PLPPR4: variants seen among roughly 807,000 people sequenced by gnomAD.
PLPPR4 encodes the protein phospholipid phosphatase related 4.
In PLPPR4, 24 loss-of-function variants were observed where a neutral mutation model predicts 56.6. The observed-to-expected ratio is 0.42, with a 90% CI of 0.31 to 0.60. The LOEUF is 0.60. PLPPR4 is among the 20% of genes least tolerant of loss of function. PLPPR4 has a pLI of 0.13. For missense variants in PLPPR4, 654 were observed against 885.8 expected, an observed-to-expected ratio of 0.74 and a Z score of 3.32; for synonymous variants, 326 against 328.1, an observed-to-expected ratio of 0.99 and a Z score of 0.07.
rs539603329 is a variant in PLPPR4, at chr1:99,273,157, T to G, written c.78+8486T>G. Among the ~76,000 whole-genome samples, 4 of 152,206 alleles carry G rather than the reference T, an allele frequency of 2.6e-5. No homozygotes were observed. The East Asian group carries it at 7.7e-4, about 29-fold the overall frequency. On this transcript the variant is annotated intron_variant, in intron 1 of 6. Coordinates refer to ENST00000370185, the MANE Select transcript of PLPPR4 (RefSeq NM_014839.5). ...TTTGGCAGAACTAACATTGAGGTGT[T>G]TTTCTTACCAATAATTAGACTGAAC... is the stretch of plus-strand genomic sequence containing the variant.
intron 1 of PLPPR4, among the ~76,000 whole-genome samples, chr1:99,278,916 G>T (rs546950389): frequency 1.3e-5 from 2 of 152,216 alleles, no homozygotes; most frequent in African/African-American, 4.8e-5. Flanking sequence ...TGCTATGGAG[G>T]ATCCAATTTA....
intron 2 of PLPPR4, among the ~76,000 whole-genome samples, chr1:99,291,733 T>C (rs937714432): frequency 3.3e-5 from 5 of 152,018 alleles, no homozygotes; most frequent in African/African-American, 9.7e-5. Flanking sequence ...TGAGACCACA[T>C]AGGCACATAG....
At chr1:99,277,835 CATAAT>C (rs1288026394) in intron 1 of PLPPR4, among the ~76,000 whole-genome samples, 2 of 151,892 alleles carry the variant, frequency 1.3e-5, no homozygotes, top group Non-Finnish European at 2.9e-5. Context: ...ACAGTTTTTT[CATAAT>C]ATACATGTTC....
At chr1:99,282,089 T>C (rs1380695765) in intron 1 of PLPPR4, among the ~76,000 whole-genome samples, 1 of 152,196 alleles carries the variant, frequency 6.6e-6, no homozygotes, top group Non-Finnish European at 1.5e-5. Context: ...TAGCTCCAAA[T>C]TGACCTCTTA....
At chr1:99,280,237 A>G (rs773518510) in intron 1 of PLPPR4, among the ~76,000 whole-genome samples, 6 of 152,124 alleles carry the variant, frequency 3.9e-5, no homozygotes, top group African/African-American at 1.2e-4. Context: ...GGTGTTCCCA[A>G]TTTGGGGGCT....
chr1:99,306,123 C>T lies in PLPPR4; in HGVS notation c.1261C>T (p.Pro421Ser). 6.2e-7 allele frequency: 1 copy of T among 1,614,046 alleles called. No individual in the cohort carries two copies. ...KLSLQVIEPE[P>S]GQSPPRSIEM... ...GTCCTTGCAAGTTATAGAGCCTGAG[C>T]CTGGGCAGTCACCACCCAGATCCAT... The change falls in exon 7 of 7, where the codon CCT (proline) becomes TCT (serine). Residue 421 changes from proline to serine, a missense_variant. Physicochemically the swap from Pro to Ser is moderately conservative, Grantham distance 74 (BLOSUM62 -1). This residue lies in a region of PLPPR4 where 468 missense variants were observed against 554.3 expected (regional missense o/e 0.84). Coordinates refer to ENST00000370185, the MANE Select transcript of PLPPR4 (RefSeq NM_014839.5). The surrounding 1 kb of genome is among the most constrained non-coding windows in gnomAD (Gnocchi z 4.0).
At chr1:99,295,379 A>C in intron 2 of PLPPR4, among the ~76,000 whole-genome samples, 1 of 152,320 alleles carries the variant, frequency 6.6e-6, no homozygotes, top group African/African-American at 2.4e-5. Flanking sequence ...TTTAAAAAAA[A>C]CTATAATTTT....
chr1:99,292,504 C>G (rs1455789302), intron 2 of PLPPR4, among the ~76,000 whole-genome samples: 1 of 152,192 alleles, frequency 6.6e-6, no homozygotes, highest in African/African-American at 2.4e-5. Flanking sequence ...AGGTGCCACT[C>G]AATTCCTGCA....
intron 1 of PLPPR4, among the ~76,000 whole-genome samples, chr1:99,265,983 A>G (rs571382153): frequency 1.2e-4 from 18 of 152,356 alleles, no homozygotes; most frequent in African/African-American, 4.1e-4. Flanking sequence ...AAGAAAAAAA[A>G]ATCTATGTAT....
Position 99,305,984 on chromosome 1 carries a change from C to A in PLPPR4, c.1122C>A (p.Thr374=). The change falls in exon 7 of 7, where the codon ACC becomes ACA. Residue 374 remains threonine (T), a synonymous_variant. Transcript: ENST00000370185. ...TFSNTLPRAN[T]PSVEDPVRRN... is the part of the protein sequence containing the mutation. ...GCAATACCTTGCCGCGAGCCAATACCCCATCTGTAGAAGACCCTGTCAGAA... is the reference window on the plus strand; with the variant it reads ...GCAATACCTTGCCGCGAGCCAATACACCATCTGTAGAAGACCCTGTCAGAA... 1 of 1,614,082 alleles carries A rather than the reference C, an allele frequency of 6.2e-7. No homozygotes were observed. Among genetic ancestry groups the A allele is most frequent in the South Asian group, 1.1e-5 (1 of 91,068 alleles).
intron 2 of PLPPR4, among the ~76,000 whole-genome samples, chr1:99,292,151 A>T (rs189296089): frequency 1.3e-5 from 2 of 152,300 alleles, no homozygotes; most frequent in Admixed American, 6.5e-5. Context: ...TTTCCTTTGT[A>T]TATATCTAGA....
At chr1:99,277,430 ATTG>A (rs1169489655) in intron 1 of PLPPR4, among the ~76,000 whole-genome samples, 1 of 152,158 alleles carries the variant, frequency 6.6e-6, no homozygotes, top group Admixed American at 6.6e-5. Context: ...GTTGTTGGCT[ATTG>A]TTTGTGTTGT....
In PLPPR4 at chr1:99,306,701, C is replaced by T. The variant is rs1375592492; in HGVS notation, c.1839C>T (p.Tyr613=). 2 of 1,614,064 alleles carry T rather than the reference C, an allele frequency of 1.2e-6. No individual in the cohort carries two copies. The highest frequency in any genetic ancestry group is 1.1e-5 in the South Asian group (1 of 91,060). The change falls in exon 7 of 7, where the codon TAC becomes TAT. Residue 613 remains tyrosine (Y), a synonymous_variant. Coordinates refer to ENST00000370185, the MANE Select transcript of PLPPR4 (RefSeq NM_014839.5). This position sits in a 1 kb window ranked among gnomAD's most constrained non-coding sequence, Gnocchi z 4.0. ...AAAAGGGCAGCCTTCGCCAAACTTACGAGCTCAACGATCTCAACAGGGACT... is the reference window on the plus strand; with the variant it reads ...AAAAGGGCAGCCTTCGCCAAACTTATGAGCTCAACGATCTCAACAGGGACT... ...APEKGSLRQT[Y]ELNDLNRDSE... is the part of the protein sequence containing the mutation.
intron 1 of PLPPR4, among the ~76,000 whole-genome samples, chr1:99,284,085 T>A (rs1284494280): frequency 1.3e-5 from 2 of 152,218 alleles, no homozygotes; most frequent in Admixed American, 6.5e-5. Flanking sequence ...ATTTTCAAAA[T>A]CTCATTTTAA....
At chr1:99,273,374 A>G (rs115440072) in intron 1 of PLPPR4, among the ~76,000 whole-genome samples, 31 of 152,238 alleles carry the variant, frequency 2.0e-4, no homozygotes, top group African/African-American at 7.5e-4. Flanking sequence ...AAAGGTAAAC[A>G]TGGAATCATA....
Position 99,270,009 on chromosome 1 carries a change from G to A in PLPPR4, c.78+5338G>A, listed in dbSNP as rs1024267941. 1.3e-4 allele frequency among the ~76,000 whole-genome samples: 20 copies of A among 148,976 alleles called. 1 individual carries two copies. In the East Asian group the frequency reaches 1.8e-3, roughly 13 times the overall value. ...GTTTTCATTCCTTTTGTGTGTGTGT[G>A]TGTGTGTGTGTGTGTGTGTGTGTGT... is the stretch of plus-strand genomic sequence containing the variant. On this transcript the variant is annotated intron_variant, in intron 1 of 6. Coordinates refer to ENST00000370185, the MANE Select transcript of PLPPR4 (RefSeq NM_014839.5).
intron 1 of PLPPR4, among the ~76,000 whole-genome samples, chr1:99,280,750 A>T (rs1281389810): frequency 3.3e-5 from 5 of 152,240 alleles, no homozygotes; most frequent in Non-Finnish European, 7.3e-5. Flanking sequence ...ATAAATGTGG[A>T]ACCATAATGT....
chr1:99,293,938 C>A (rs1288387616), intron 2 of PLPPR4, among the ~76,000 whole-genome samples: 1 of 152,062 alleles, frequency 6.6e-6, no homozygotes, highest in East Asian at 1.9e-4. Context: ...ACAACAACAA[C>A]AAATTGCGTC....
intron 1 of PLPPR4, among the ~76,000 whole-genome samples, chr1:99,269,997 T>TTGTG (rs10612152): frequency 0.04 from 5,408 of 134,472 alleles, 139 homozygotes; most frequent in Middle Eastern, 0.05. Flanking sequence ...TTCATTCCTT[T>TTGTG]TGTGTGTGTG....
Sources: allele counts gnomAD v4.1 joint callset (sites outside exome capture counted in the v4.1 genomes callset), GRCh38; gene constraint gnomAD v4.1.1; regional missense constraint gnomAD v4.1.1; non-coding constraint Gnocchi (gnomAD v3.1); transcripts MANE v1.5; gene names NCBI Gene and HGNC (gene_info 2026-07-23, HGNC 2026-07-21).